USP37: variants seen among roughly 807,000 people sequenced by gnomAD.
USP37 encodes ubiquitin carboxyl-terminal hydrolase 37.
USP37 carries 27 observed loss-of-function variants against 124.0 expected under a neutral mutation model. The observed-to-expected ratio is 0.22, with a 90% CI of 0.16 to 0.30. The LOEUF (loss-of-function observed/expected upper bound fraction) is 0.30. USP37 is among the 10% of genes least tolerant of loss of function. The pLI is 1.00. For synonymous variants in USP37, 365 were observed against 388.0 expected (o/e 0.94, Z 0.70); for missense variants, 889 against 1,140.4 (o/e 0.78, Z 3.17).
At chr2:218,517,029 T>C (rs1199047383) in intron 10 of USP37, among the ~76,000 whole-genome samples, 1 of 152,220 alleles carries the variant, frequency 6.6e-6, no homozygotes, top group African/African-American at 2.4e-5. Flanking sequence ...AATCCAAGTA[T>C]ACACATGAGG....
intron 4 of USP37, 138 bp from the exon 5 acceptor site, chr2:218,553,862 CA>C (rs1692799532): frequency 1.1e-6 from 1 of 901,442 alleles, no homozygotes; most frequent in Non-Finnish European, 1.5e-6. Context: ...TTTTTTCAAC[CA>C]AAAGAAGTTC....
intron 18 of USP37, among the ~76,000 whole-genome samples, chr2:218,477,978 G>A (rs1438142775): frequency 1.3e-5 from 2 of 151,792 alleles, no homozygotes; most frequent in African/African-American, 4.8e-5. Context: ...AAGTGGTAAA[G>A]GTCAAAGAAC....
At chr2:218,563,688 A>T (rs1290044023) in intron 1 of USP37, among the ~76,000 whole-genome samples, 2 of 152,184 alleles carry the variant, frequency 1.3e-5, no homozygotes, top group African/African-American at 2.4e-5. Flanking sequence ...AACATTTATT[A>T]AGCTACTGCA....
intron 8 of USP37, among the ~76,000 whole-genome samples, chr2:218,535,746 G>A (rs950721065): frequency 1.1e-4 from 17 of 151,440 alleles, no homozygotes; most frequent in Admixed American, 6.6e-5. Context: ...TCCCATCTAC[G>A]CAGGAGGCTG....
chr2:218,545,322 C>T (rs992328187), intron 8 of USP37, among the ~76,000 whole-genome samples: 4 of 152,088 alleles, frequency 2.6e-5, no homozygotes, highest in Admixed American at 2.6e-4. Flanking sequence ...AACAGCATGC[C>T]CTCCCTTTGC....
chr2:218,469,636 C>G (rs1176235642), intron 20 of USP37, among the ~76,000 whole-genome samples: 2 of 151,984 alleles, frequency 1.3e-5, no homozygotes, highest in African/African-American at 4.8e-5. Flanking sequence ...GAAAGGAGAT[C>G]AAGGAAGTTT....
chr2:218,464,804 G>T (rs1227242451), intron 21 of USP37, among the ~76,000 whole-genome samples: 2 of 152,182 alleles, frequency 1.3e-5, no homozygotes, highest in African/African-American at 4.8e-5. Flanking sequence ...AGCAAGGGCT[G>T]GGGGCAAATA....
chr2:218,458,323 A>G (rs1446702614), intron 23 of USP37, among the ~76,000 whole-genome samples: 1 of 147,514 alleles, frequency 6.8e-6, no homozygotes, highest in African/African-American at 2.5e-5. Flanking sequence ...TGTAATCCCC[A>G]TACTTTGGGA....
intron 10 of USP37, chr2:218,528,574 T>C (rs1691111200): frequency 2.6e-6 from 1 of 389,598 alleles, no homozygotes; most frequent in South Asian, 1.4e-4. Flanking sequence ...GTTTTCAGCT[T>C]CATCCATGTC....
In USP37 at chr2:218,476,943, C is replaced by A. The variant is rs1363206099; in HGVS notation, c.1940G>T (p.Cys647Phe). The A allele has an allele frequency of 2.5e-6, 4 of 1,574,460 alleles. No homozygotes were observed. Among genetic ancestry groups the A allele is most frequent in the Non-Finnish European group, 3.4e-6 (4 of 1,161,896 alleles). Residue 647 changes from cysteine (C) to phenylalanine (F), a missense_variant, in exon 19 of 26, where the codon TGC becomes TTC. Coordinates refer to ENST00000258399, the MANE Select transcript of USP37 (RefSeq NM_020935.3). ...CTCATCCTCACTGTCTGAATCAAGG[C>A]ATAAAGCCAAGGAGCTCTTGGATTT... Reference protein sequence around the residue: ...TFKSKSSLALCLDSDSEDELK... With the variant: ...TFKSKSSLALFLDSDSEDELK...
intron 8 of USP37, among the ~76,000 whole-genome samples, chr2:218,542,879 T>C (rs963436736): frequency 6.6e-6 from 1 of 152,232 alleles, no homozygotes; most frequent in African/African-American, 2.4e-5. Context: ...ACCTTGAATA[T>C]ACAAAATTTG....
At chr2:218,460,091 C>CAAAAAAAAAAAAAA (rs55945023) in intron 22 of USP37, among the ~76,000 whole-genome samples, 186 bp from the exon 23 acceptor site, 1 of 118,060 alleles carries the variant, frequency 8.5e-6, no homozygotes, top group Non-Finnish European at 1.7e-5. Flanking sequence ...ACTAAAAATA[C>CAAAAAAAAAAAAAA]AAAAAAAAAA....
At chr2:218,560,078 CAAGT>C (rs1340995503) in intron 3 of USP37, among the ~76,000 whole-genome samples, 1 of 151,474 alleles carries the variant, frequency 6.6e-6, no homozygotes, top group Non-Finnish European at 1.5e-5. Context: ...CAAAAGTCAA[CAAGT>C]AAATAAAATT....
At chr2:218,506,453 G>C (rs1311504431) in intron 11 of USP37, among the ~76,000 whole-genome samples, 1 of 151,214 alleles carries the variant, frequency 6.6e-6, no homozygotes. Flanking sequence ...ACCATGCCTG[G>C]CTAATTTTTC....
intron 22 of USP37, among the ~76,000 whole-genome samples, chr2:218,461,373 G>A (rs1690007117): frequency 6.6e-6 from 1 of 152,120 alleles, no homozygotes; most frequent in Non-Finnish European, 1.5e-5. Context: ...GGGCATGGTG[G>A]CACATGCCTG....
In USP37 at chr2:218,451,398, G is replaced by A. The variant is rs1050590348; in HGVS notation, c.*3532C>T. 6.6e-6 allele frequency: 1 copy of A among 152,084 alleles called. No individual in the cohort carries two copies. The highest frequency in any genetic ancestry group is 6.6e-5 in the Admixed American group (1 of 15,262). The allele number at this position is 152,084 out of a possible 1,614,324, so 9.4% of individuals were successfully genotyped here. On this transcript the variant is annotated 3_prime_UTR_variant, in exon 26 of 26. Transcript: ENST00000258399. ...TCGGGGGGTCAATTAAATTAAAAAG[G>A]CCCTCCAACCACCCTAAATGGGATA... is the stretch of plus-strand genomic sequence containing the variant.
chr2:218,476,739 C>T, intron 19 of USP37, 101 bp downstream of exon 19: 1 of 1,312,134 alleles, frequency 7.6e-7, no homozygotes, highest in Non-Finnish European at 1.0e-6. Flanking sequence ...AAGGCATTTT[C>T]TTTAAAACTA....
intron 17 of USP37, among the ~76,000 whole-genome samples, chr2:218,480,953 G>C (rs1018991815): frequency 5.3e-5 from 8 of 152,116 alleles, no homozygotes; most frequent in Admixed American, 4.6e-4. Context: ...TATGAGACGT[G>C]GCTCTTTCAG....
chr2:218,565,949 T>C (rs1574974200), intron 1 of USP37, among the ~76,000 whole-genome samples: 1 of 152,104 alleles, frequency 6.6e-6, no homozygotes, highest in East Asian at 1.9e-4. Context: ...CTTGGGAGGC[T>C]GAGACAAGAG....
Sources: gnomAD v4.1 joint callset for allele counts (sites outside exome capture counted in the v4.1 genomes callset) on GRCh38, gnomAD v4.1.1 for gene constraint, MANE v1.5 for transcripts, NCBI Gene and HGNC (gene_info 2026-07-23, HGNC 2026-07-21) for gene names.